The following USF3 variants were observed in gnomAD, a reference collection of about 807,000 sequenced individuals.
The protein encoded by USF3 is upstream transcription factor family member 3.
A neutral mutation model predicts 157.5 loss-of-function variants in USF3; 29 were observed. That is an observed-to-expected ratio of 0.18 (90% CI 0.14 to 0.25). USF3 has a LOEUF of 0.25. USF3 is among the 10% of genes least tolerant of loss of function. The probability of loss-of-function intolerance (pLI) is 1.00; values close to 1 mark genes in which losing one functional copy is unlikely to be tolerated. For missense variants in USF3, 2,381 were observed against 2,667.6 expected (o/e 0.89, Z 2.37); for synonymous variants, 893 against 941.4 (o/e 0.95, Z 0.94).
At chr3:113,666,176 C>T (rs1577037251) in intron 5 of USF3, among the ~76,000 whole-genome samples, 1 of 149,124 alleles carries the variant, frequency 6.7e-6, no homozygotes, top group Non-Finnish European at 1.5e-5. Flanking sequence ...AGTAGCAAAA[C>T]TCCATCTCAA....
Position 113,657,427 on chromosome 3 carries a change from G to A in USF3, c.4255C>T (p.Gln1419Ter), listed in dbSNP as rs1947385582. 6.2e-7 allele frequency: 1 copy of A among 1,614,032 alleles called. No homozygotes were observed. The highest frequency in any genetic ancestry group is 8.5e-7 in the Non-Finnish European group (1 of 1,180,036). The change falls in exon 7 of 7, where the codon CAG (glutamine) becomes TAG (stop). Residue 1419 changes from glutamine (Q) to a stop codon, truncating the protein, a stop_gained. Coordinates refer to ENST00000316407, the MANE Select transcript of USF3 (RefSeq NM_001009899.4). LOFTEE classifies it high-confidence loss of function. ...GCAACTGAAGGCTGAGAACCACACT[G>A]AACTTCAGTTTGCCTCAATGCAGGA... is the stretch of plus-strand genomic sequence containing the variant. Reference protein sequence around the residue: ...VTPALRQTEVQCGSQPSVAEQ... With the variant: ...VTPALRQTEV
rs1577029736 is a variant in USF3, at chr3:113,658,644, T to C, written c.3038A>G (p.Lys1013Arg). ...GLTTLLSDLA[K>R]KKNPQKSSLS... ...AGATGATTTCTGAGGGTTTTTTTTT[T>C]TAGCAAGATCAGATAGCAATGTAGT... Residue 1013 changes from lysine (K) to arginine (R), a missense_variant, in exon 7 of 7, where the codon AAA becomes AGA. By Grantham distance (26) the Lys-to-Arg change is conservative. Around this residue, in one of 6 missense-constraint regions of USF3, gnomAD observed 1,435 missense variants for 1,550.9 expected, o/e 0.93. Transcript: ENST00000316407. 6.2e-7 allele frequency: 1 copy of C among 1,614,060 alleles called. No homozygotes were observed. The highest frequency in any genetic ancestry group is 2.2e-5 in the East Asian group (1 of 44,882).
intron 1 of USF3, among the ~76,000 whole-genome samples, chr3:113,685,469 C>G (rs1236221114): frequency 6.6e-6 from 1 of 152,088 alleles, no homozygotes; most frequent in Non-Finnish European, 1.5e-5. Flanking sequence ...AGTGGGGGGT[C>G]TAGAAATGCA....
chr3:113,652,906 A>G lies in USF3; in HGVS notation c.*2038T>C. The G allele has an allele frequency of 2.1e-6, 1 of 485,462 alleles. No homozygotes were observed. Among genetic ancestry groups the G allele is most frequent in the Non-Finnish European group, 3.5e-6 (1 of 286,678 alleles). 30.1% of individuals were successfully genotyped at this position (485,462 alleles called of 1,614,324 possible). Reference sequence around the variant, plus strand: ...CAGGAGGCAGAGGCTGCAGTGAGCCAAGATCCTGCCATTGTAGACTCCAGC... The same window carrying G: ...CAGGAGGCAGAGGCTGCAGTGAGCCGAGATCCTGCCATTGTAGACTCCAGC... On this transcript the variant is annotated 3_prime_UTR_variant, in exon 7 of 7. Coordinates refer to ENST00000316407, the MANE Select transcript of USF3 (RefSeq NM_001009899.4).
In USF3 at chr3:113,649,019, C is replaced by T. The variant is rs1947214459; in HGVS notation, c.*5925G>A. The T allele has an allele frequency of 6.6e-6, 1 of 152,494 alleles. No homozygotes were observed. Among genetic ancestry groups the T allele is most frequent in the South Asian group, 2.1e-4 (1 of 4,830 alleles). 9.4% of individuals were successfully genotyped at this position (152,494 alleles called of 1,614,324 possible). Reference sequence around the variant, plus strand: ...TTGGAAGATCAATAGTTCAACTCCCCTTAACTGTTACCACTATAGTCAAGC... The same window carrying T: ...TTGGAAGATCAATAGTTCAACTCCCTTTAACTGTTACCACTATAGTCAAGC... On this transcript the variant is annotated 3_prime_UTR_variant, in exon 7 of 7. Transcript: ENST00000316407.
In USF3 at chr3:113,652,247, T is replaced by C. The variant is rs1947277245; in HGVS notation, c.*2697A>G. ...CATGGAAAACTGTCCTTCTTGAAAT[T>C]GGCACACTGGACCTTTCAAGTACAA... On this transcript the variant is annotated 3_prime_UTR_variant, in exon 7 of 7. Transcript: ENST00000316407. 1 of 152,076 alleles carries C rather than the reference T, an allele frequency of 6.6e-6. No homozygotes were observed. Among genetic ancestry groups the C allele is most frequent in the South Asian group, 2.1e-4 (1 of 4,828 alleles). The allele number at this position is 152,076 out of a possible 1,614,324, so 9.4% of individuals were successfully genotyped here.
Position 113,653,033 on chromosome 3 carries a change from C to A in USF3, c.*1911G>T. On this transcript the variant is annotated 3_prime_UTR_variant, in exon 7 of 7. Coordinates refer to ENST00000316407, the MANE Select transcript of USF3 (RefSeq NM_001009899.4). ...GTGTTAGTTGCACCTAACGACACTC[C>A]AGCCTGGGTGACAGAGTCTCAAAAA... is the stretch of plus-strand genomic sequence containing the variant. The A allele has an allele frequency of 3.7e-6, 2 of 537,968 alleles. No homozygotes were observed. The highest frequency in any genetic ancestry group is 5.8e-6 in the Non-Finnish European group (2 of 343,446). 33.3% of individuals were successfully genotyped at this position (537,968 alleles called of 1,614,324 possible).
At position 113,653,876 on chromosome 3, in the gene USF3, G is replaced by A. The variant is rs1328186761; in HGVS notation, c.*1068C>T. The stretch of plus-strand genomic sequence containing the variant: ...TAATTCTGTTATGAAGGATAATAAT[G>A]AAATATACAATGCCATATTTAAAAT... On this transcript the variant is annotated 3_prime_UTR_variant, in exon 7 of 7. Transcript: ENST00000316407. 1 of 151,998 alleles carries A rather than the reference G, an allele frequency of 6.6e-6. No homozygotes were observed. Among genetic ancestry groups the A allele is most frequent in the African/African-American group, 2.4e-5 (1 of 41,386 alleles). The allele number at this position is 151,998 out of a possible 1,614,324, so 9.4% of individuals were successfully genotyped here. A position where few individuals can be genotyped will look rare whatever the true frequency, so the allele number is the denominator to read the frequency against.
chr3:113,655,658 A>T lies in USF3; in HGVS notation c.6024T>A (p.Asp2008Glu). The T allele has an allele frequency of 6.2e-7, 1 of 1,614,070 alleles. No individual in the cohort carries two copies. Among genetic ancestry groups the T allele is most frequent in the Non-Finnish European group, 8.5e-7 (1 of 1,179,930 alleles). Residue 2008 changes from aspartate (D) to glutamate (E), a missense_variant, in exon 7 of 7, where the codon GAT (aspartate) becomes GAA (glutamate). Around this residue, in one of 6 missense-constraint regions of USF3, gnomAD observed 770 missense variants for 824.2 expected, o/e 0.93. Transcript: ENST00000316407. ...SGNQRQSTVFDPSLPHLPLST... is the reference protein window; with the variant it reads ...SGNQRQSTVFEPSLPHLPLST... ...AGAGAGGAAGATGGGGAAGACTTGG[A>T]TCAAAGACAGTACTTTGCCTTTGGT...
chr3:113,667,696 A>G (rs901525158), intron 5 of USF3, among the ~76,000 whole-genome samples: 1 of 152,050 alleles, frequency 6.6e-6, no homozygotes, highest in Non-Finnish European at 1.5e-5. Flanking sequence ...GTAAAACCCC[A>G]TCTCTACTAA....
intron 4 of USF3, among the ~76,000 whole-genome samples, chr3:113,673,036 C>T (rs1048615944): frequency 7.9e-5 from 12 of 152,156 alleles, no homozygotes; most frequent in African/African-American, 2.9e-4. Context: ...TGCAAAGATA[C>T]ATACCCTCCA....
intron 6 of USF3, among the ~76,000 whole-genome samples, chr3:113,663,460 G>C (rs754721774): frequency 6.6e-6 from 1 of 152,166 alleles, no homozygotes; most frequent in Non-Finnish European, 1.5e-5. Flanking sequence ...TAGGTGAGGG[G>C]GGGAAGCTGC....
chr3:113,696,182 T>A (rs1343643408), intron 1 of USF3, among the ~76,000 whole-genome samples, 188 bp downstream of exon 1: 1 of 152,166 alleles, frequency 6.6e-6, no homozygotes, highest in Non-Finnish European at 1.5e-5. Context: ...CCGCGGGCGC[T>A]GACGCCCCAC....
chr3:113,654,623 C>T lies in USF3; in HGVS notation c.*321G>A, dbSNP rs1465115425. ...TCAACAATCAAGTTTAAAGTCTAGG[C>T]TCCCTCCTACTACCCAGTACATGAC... On this transcript the variant is annotated 3_prime_UTR_variant, in exon 7 of 7. Transcript: ENST00000316407. 3.8e-6 allele frequency: 1 copy of T among 262,738 alleles called. No individual in the cohort carries two copies. Among genetic ancestry groups the T allele is most frequent in the Admixed American group, 5.0e-5 (1 of 20,140 alleles). The allele number at this position is 262,738 out of a possible 1,614,324, so 16.3% of individuals were successfully genotyped here. A position where few individuals can be genotyped will look rare whatever the true frequency, so the allele number is the denominator to read the frequency against.
At chr3:113,685,004 T>C (rs1707516545) in intron 1 of USF3, among the ~76,000 whole-genome samples, 3 of 152,218 alleles carry the variant, frequency 2.0e-5, no homozygotes, top group African/African-American at 7.2e-5. Flanking sequence ...GAAGGCTTTC[T>C]AAGTATTCAA....
At position 113,651,219 on chromosome 3, in the gene USF3, T is replaced by G. The variant is rs1947255736; in HGVS notation, c.*3725A>C. On this transcript the variant is annotated 3_prime_UTR_variant, in exon 7 of 7. Transcript: ENST00000316407. Reference sequence around the variant, plus strand: ...ACAGAGAAATGATTTAATCAATGACTGTCACTCATGACTCAGACATAACTT... The same window carrying G: ...ACAGAGAAATGATTTAATCAATGACGGTCACTCATGACTCAGACATAACTT... 1 of 152,248 alleles carries G rather than the reference T, an allele frequency of 6.6e-6. No homozygotes were observed. Among genetic ancestry groups the G allele is most frequent in the Admixed American group, 6.5e-5 (1 of 15,288 alleles). The allele number at this position is 152,248 out of a possible 1,614,324, so 9.4% of individuals were successfully genotyped here.
chr3:113,664,074 C>T (rs1559713589), intron 6 of USF3, among the ~76,000 whole-genome samples: 1 of 152,088 alleles, frequency 6.6e-6, no homozygotes. Context: ...ATGAAATACA[C>T]AGAAGAGTTC....
intron 1 of USF3, among the ~76,000 whole-genome samples, chr3:113,679,800 C>G (rs979669752): frequency 3.3e-5 from 5 of 152,210 alleles, no homozygotes; most frequent in Admixed American, 6.5e-5. Context: ...CACCATAGAA[C>G]TTCATATAAA....
intron 1 of USF3, among the ~76,000 whole-genome samples, chr3:113,679,765 A>G (rs1707367849): frequency 1.3e-5 from 2 of 152,112 alleles, no homozygotes; most frequent in African/African-American, 4.8e-5. Context: ...CCTACTCCAG[A>G]AGCAAACCCT....
Sources: gnomAD v4.1 joint callset for allele counts (sites outside exome capture counted in the v4.1 genomes callset) on GRCh38, gnomAD v4.1.1 for gene constraint, gnomAD v4.1.1 regional missense constraint, MANE v1.5 for transcripts, NCBI Gene and HGNC (gene_info 2026-07-23, HGNC 2026-07-21) for gene names.